SLC39A11: variants seen among roughly 807,000 people sequenced by gnomAD.
SLC39A11 encodes the protein zinc transporter ZIP11.
In SLC39A11, 33 loss-of-function variants were observed where a neutral mutation model predicts 36.1. That is an observed-to-expected ratio of 0.91 (90% CI 0.69 to 1.22). The LOEUF (loss-of-function observed/expected upper bound fraction) is 1.22, where lower values mean the gene tolerates loss of function less well. Ranked by LOEUF, SLC39A11 falls within the 50% of genes most tolerant of loss-of-function variation. The pLI, the probability that SLC39A11 is intolerant of heterozygous loss-of-function variation, is 0.00. For synonymous variants in SLC39A11, 166 were observed against 170.3 expected (o/e 0.97, Z 0.20); for missense variants, 432 against 430.3 (o/e 1.00, Z -0.03).
intron 5 of SLC39A11, among the ~76,000 whole-genome samples, chr17:72,905,940 A>G (rs963739623): frequency 2.0e-5 from 3 of 152,076 alleles, no homozygotes; most frequent in African/African-American, 7.2e-5. Flanking sequence ...TATTTAGTAG[A>G]GATGGGGTTT....
At chr17:72,681,576 C>T (rs767624720) in intron 7 of SLC39A11, among the ~76,000 whole-genome samples, 68 of 152,260 alleles carry the variant, frequency 4.5e-4, no homozygotes, top group African/African-American at 1.5e-3. Flanking sequence ...TAGCCACAAG[C>T]GAGAAATAAC....
intron 6 of SLC39A11, among the ~76,000 whole-genome samples, chr17:72,805,350 C>A (rs1173431248): frequency 6.6e-6 from 1 of 152,196 alleles, no homozygotes; most frequent in Non-Finnish European, 1.5e-5. Context: ...CTCTCGACAA[C>A]TGCCCCTGCT....
At chr17:73,007,462 A>G (rs8072232) in intron 4 of SLC39A11, among the ~76,000 whole-genome samples, 9,217 of 152,292 alleles carry the variant, frequency 0.061, 720 homozygotes, top group African/African-American at 0.18. Flanking sequence ...GCCTCAGGGC[A>G]ACGCCATCAT....
chr17:73,050,311 G>T, intron 3 of SLC39A11, among the ~76,000 whole-genome samples: 1 of 112,018 alleles, frequency 8.9e-6, no homozygotes, highest in African/African-American at 3.6e-5. Flanking sequence ...AACAAGTTTG[G>T]TCTGTTTGTG....
intron 7 of SLC39A11, among the ~76,000 whole-genome samples, chr17:72,653,064 T>G (rs2069927739): frequency 6.6e-6 from 1 of 151,514 alleles, no homozygotes; most frequent in African/African-American, 2.4e-5. Context: ...GGGGGCATTC[T>G]GATGAGCCTG....
chr17:72,889,492 G>A (rs11656572), intron 5 of SLC39A11, among the ~76,000 whole-genome samples: 11,041 of 151,352 alleles, frequency 0.073, 412 homozygotes, highest in Middle Eastern at 0.1. Flanking sequence ...AGCTGAGATC[G>A]TGCCACTGCA....
At chr17:72,730,861 T>C (rs1245283098) in intron 7 of SLC39A11, among the ~76,000 whole-genome samples, 1 of 152,104 alleles carries the variant, frequency 6.6e-6, no homozygotes, top group Non-Finnish European at 1.5e-5. Context: ...GGGTCTCCCA[T>C]CTTTATACTC....
At position 72,793,379 on chromosome 17, in the gene SLC39A11, T is replaced by C. The variant is rs917219705; in HGVS notation, c.601+56255A>G. 6.6e-5 allele frequency among the ~76,000 whole-genome samples: 10 copies of C among 152,026 alleles called. 1 individual carries two copies. In the South Asian group the frequency reaches 8.3e-4, roughly 13 times the overall value. ...TCCAGTTAGCCACAGACCCCACCCC[T>C]CCCTACTGTCTTTTATTAGCTGACT... On this transcript the variant is annotated intron_variant, in intron 6 of 9. Coordinates refer to ENST00000255559, the MANE Select transcript of SLC39A11 (RefSeq NM_139177.4).
chr17:72,958,421 C>A (rs1011434568), intron 4 of SLC39A11, among the ~76,000 whole-genome samples: 1 of 152,214 alleles, frequency 6.6e-6, no homozygotes, highest in East Asian at 1.9e-4. Context: ...AGACAACCCA[C>A]AAAGTGGGAG....
At chr17:72,673,439 G>T (rs2071106217) in intron 7 of SLC39A11, among the ~76,000 whole-genome samples, 1 of 152,126 alleles carries the variant, frequency 6.6e-6, no homozygotes, top group South Asian at 2.1e-4. Context: ...CCAACACTGA[G>T]GATGAGATTC....
chr17:73,055,851 C>G (rs1472174381), intron 3 of SLC39A11, among the ~76,000 whole-genome samples: 1 of 152,198 alleles, frequency 6.6e-6, no homozygotes. Flanking sequence ...ACCAATTAGG[C>G]TATCTCTGTG....
chr17:72,786,672 T>C (rs868319248), intron 6 of SLC39A11, among the ~76,000 whole-genome samples: 1 of 152,122 alleles, frequency 6.6e-6, no homozygotes. Flanking sequence ...GACTTCTTGC[T>C]TCTGTATGGG....
chr17:73,027,744 T>A (rs1337720501), intron 4 of SLC39A11, among the ~76,000 whole-genome samples: 2 of 152,160 alleles, frequency 1.3e-5, no homozygotes, highest in Admixed American at 1.3e-4. Context: ...CCCGAACACA[T>A]ATAACCAGGG....
intron 7 of SLC39A11, among the ~76,000 whole-genome samples, chr17:72,684,831 TGGTGCTCTGTGTG>T (rs1045259161): frequency 2.6e-5 from 4 of 152,174 alleles, no homozygotes; most frequent in Admixed American, 2.6e-4. Flanking sequence ...CTGCATTTGT[TGGTGCTCTGTGTG>T]GGTGCCCAAT....
At chr17:72,949,665 G>C (rs2085720689) in intron 4 of SLC39A11, among the ~76,000 whole-genome samples, 1 of 151,682 alleles carries the variant, frequency 6.6e-6, no homozygotes, top group Admixed American at 6.6e-5. Flanking sequence ...ATAATCTAAT[G>C]ATCACCCAAA....
intron 4 of SLC39A11, among the ~76,000 whole-genome samples, chr17:72,960,615 C>T (rs1474201402): frequency 6.6e-6 from 1 of 151,758 alleles, no homozygotes; most frequent in Non-Finnish European, 1.5e-5. Flanking sequence ...ATGGCGAGAC[C>T]CCATCTCTAC....
chr17:72,771,858 G>A (rs1339197815), intron 6 of SLC39A11, among the ~76,000 whole-genome samples: 1 of 152,222 alleles, frequency 6.6e-6, no homozygotes, highest in African/African-American at 2.4e-5. Context: ...CAAAAGAAAT[G>A]GAGATGGTGT....
intron 4 of SLC39A11, among the ~76,000 whole-genome samples, chr17:72,987,159 G>A (rs889542258): frequency 1.3e-5 from 2 of 152,282 alleles, no homozygotes; most frequent in Middle Eastern, 3.4e-3. Context: ...TTGCTCCTTC[G>A]CTTGTCACGT....
intron 3 of SLC39A11, among the ~76,000 whole-genome samples, chr17:73,041,536 C>T (rs781124552): frequency 3.3e-5 from 5 of 152,162 alleles, no homozygotes; most frequent in Non-Finnish European, 5.9e-5. Context: ...ATTGCAGGAC[C>T]CCCAGCCCAG....
Sources: allele counts gnomAD v4.1 joint callset (sites outside exome capture counted in the v4.1 genomes callset), GRCh38; gene constraint gnomAD v4.1.1; transcripts MANE v1.5; gene names NCBI Gene and HGNC (gene_info 2026-07-23, HGNC 2026-07-21).